Variants in MAP3K15 observed in about 807,000 individuals in gnomAD.
The protein encoded by MAP3K15 is MAPK/ERK kinase kinase 15.
MAP3K15 carries 124 observed loss-of-function variants against 99.5 expected under a neutral mutation model. That is an observed-to-expected ratio of 1.25 (90% CI 1.08 to 1.45). MAP3K15 has a LOEUF of 1.45. MAP3K15 is among the 40% of genes most tolerant of loss of function. MAP3K15 has a pLI of 0.00. For missense variants in MAP3K15, 1,242 were observed against 1,079.7 expected, an observed-to-expected ratio of 1.15 and a Z score of -2.11; for synonymous variants, 494 against 439.6, an observed-to-expected ratio of 1.12 and a Z score of -1.55.
intron 11 of MAP3K15, among the ~76,000 whole-genome samples, chrX:19,411,244 C>T (rs1252677763): frequency 1.8e-5 from 2 of 111,352 alleles, no homozygotes; most frequent in African/African-American, 6.5e-5. Context: ...CCAACTAAGC[C>T]ACCCAGGGAA....
intron 25 of MAP3K15, 126 bp downstream of exon 25, chrX:19,368,928 G>T: frequency 4.4e-6 from 3 of 677,121 alleles, no homozygotes; most frequent in Non-Finnish European, 4.0e-6. Flanking sequence ...GTTCGTGGAT[G>T]ATGAAGCTGC....
rs1299161713 is a variant in MAP3K15, at chrX:19,488,978, C to A, written c.362-11G>T. 8.4e-7 allele frequency: 1 copy of A among 1,196,035 alleles called. No homozygotes were observed. The highest frequency in any genetic ancestry group is 3.0e-5 in the East Asian group (1 of 33,715). On this transcript the variant is annotated splice_polypyrimidine_tract_variant and intron_variant, in intron 1 of 28. Transcript: ENST00000338883. ...CTACCACAGCAACATCTGCAATGAACAAGGAGAGGACAGGATTAGGGGAGA... is the reference window on the plus strand; with the variant it reads ...CTACCACAGCAACATCTGCAATGAAAAAGGAGAGGACAGGATTAGGGGAGA...
chrX:19,440,647 C>A (rs752173748), intron 6 of MAP3K15, among the ~76,000 whole-genome samples: 3 of 112,469 alleles, frequency 2.7e-5, no homozygotes, highest in Non-Finnish European at 5.6e-5. Context: ...GATAGGCCCT[C>A]TGATGGGGCT....
chrX:19,370,951 G>A lies in MAP3K15; in HGVS notation c.3400+8C>T. ...AAAGCTGACCTTGACCACAAAGGGG[G>A]CGCTCACCTGGGATGAGAATGGTGA... On this transcript the variant is annotated splice_region_variant and intron_variant, in intron 24 of 28. Transcript: ENST00000338883. 3 of 1,173,138 alleles carry A rather than the reference G, an allele frequency of 2.6e-6. No homozygotes were observed.
intron 7 of MAP3K15, among the ~76,000 whole-genome samples, chrX:19,429,188 TAGCAGGG>T (rs1372880367): frequency 1.8e-5 from 2 of 110,722 alleles, no homozygotes; most frequent in Admixed American, 9.7e-5. Context: ...AATTTTTATA[TAGCAGGG>T]AGCAGGGAGC....
At chrX:19,503,449 A>G (rs764880564) in intron 1 of MAP3K15, among the ~76,000 whole-genome samples, 3 of 112,013 alleles carry the variant, frequency 2.7e-5, no homozygotes, top group Non-Finnish European at 5.6e-5. Context: ...TCTTTGAGAC[A>G]GAGTCTCACT....
At chrX:19,457,642 G>T (rs7056719) in intron 5 of MAP3K15, among the ~76,000 whole-genome samples, 2,900 of 111,984 alleles carry the variant, frequency 0.026, 97 homozygotes, top group African/African-American at 0.088. Flanking sequence ...TAAAAAAACA[G>T]TATCAGCAGA....
chrX:19,510,449 A>T lies in MAP3K15; in HGVS notation c.361+4452T>A, dbSNP rs767399877. 1.2e-4 allele frequency among the ~76,000 whole-genome samples: 14 copies of T among 112,126 alleles called. No individual in the cohort carries two copies. In the South Asian group the frequency reaches 3.3e-3, roughly 27 times the overall value. Reference sequence around the variant, plus strand: ...AACAGAACCAATGACAAAAACCACAATTATCTCAATAGATGCAGAAAAGGC... The same window carrying T: ...AACAGAACCAATGACAAAAACCACATTTATCTCAATAGATGCAGAAAAGGC... On this transcript the variant is annotated intron_variant, in intron 1 of 28. Coordinates refer to ENST00000338883, the MANE Select transcript of MAP3K15 (RefSeq NM_001001671.4).
rs748475837 is a variant in MAP3K15, at chrX:19,374,458, C to CT, written c.2773+18dup. On this transcript the variant is annotated intron_variant, in intron 20 of 28. Coordinates refer to ENST00000338883, the MANE Select transcript of MAP3K15 (RefSeq NM_001001671.4). Reference sequence around the variant, plus strand: ...TCTTGTGGCCAGGGTGCTGCCCCAGCTGTCCAGGGAGGCCTCACCTGAGGG... The same window carrying CT: ...TCTTGTGGCCAGGGTGCTGCCCCAGCTTGTCCAGGGAGGCCTCACCTGAGGG... 70 of 1,199,769 alleles carry CT rather than the reference C, an allele frequency of 5.8e-5. No individual in the cohort carries two copies. The South Asian group carries it at 1.2e-3, about 21-fold the overall frequency.
At chrX:19,380,076 T>A in intron 19 of MAP3K15, 44 bp downstream of exon 19, 1 of 1,124,539 alleles carries the variant, frequency 8.9e-7, no homozygotes, top group Non-Finnish European at 1.2e-6. Context: ...TTTTTAATTC[T>A]ACTTCCCAAC....
rs1254594019 is a variant in MAP3K15, at chrX:19,431,462, G to A, written c.1142C>T (p.Thr381Ile). The change falls in exon 7 of 29, where the codon ACC becomes ATC. Residue 381 changes from threonine to isoleucine, a missense_variant. By Grantham distance (89) the Thr-to-Ile change is moderately conservative (BLOSUM62 -1). Coordinates refer to ENST00000338883, the MANE Select transcript of MAP3K15 (RefSeq NM_001001671.4). ...CCACTCAATGGCGCTGTCGCGGCTG[G>A]TGTCATCTTTGCAGTCTGAATCCAA... Reference protein sequence around the residue: ...IFLDSDCKDDTSRDSAIEWYR... With the variant: ...IFLDSDCKDDISRDSAIEWYR... 1.7e-6 allele frequency: 2 copies of A among 1,200,178 alleles called. No individual in the cohort carries two copies. Among genetic ancestry groups the A allele is most frequent in the Admixed American group, 2.2e-5 (1 of 45,970 alleles).
chrX:19,380,239 C>T lies in MAP3K15; in HGVS notation c.2470G>A (p.Gly824Arg), dbSNP rs777273513. The T allele has an allele frequency of 3.7e-4, 449 of 1,205,480 alleles. 1 individual carries two copies. The highest frequency in any genetic ancestry group is 4.6e-4 in the Non-Finnish European group (408 of 893,715). ...QYMAPEIIDQ[G>R]PRGYGAPADI... is the part of the protein sequence containing the mutation. ...GCTGGGGCACCATATCCGCGAGGCC[C>T]TTGGTCAATTATCTCAGGTGCCATG... Residue 824 changes from glycine to arginine, a missense_variant, in exon 19 of 29, where the codon GGG becomes AGG. By Grantham distance (125) the Gly-to-Arg change is moderately radical. Transcript: ENST00000338883.
At position 19,361,516 on chromosome X, in the gene MAP3K15, C is replaced by G. The variant is rs1199963490; in HGVS notation, c.3757G>C (p.Ala1253Pro). The part of the protein sequence containing the change: ...ELIDWLRLQG[A>P]DAKTIEKIVE... The stretch of plus-strand genomic sequence containing the variant: ...ACCTTTTCAATTGTCTTTGCATCAG[C>G]TCCTTGCAGCCGCAACCAGTCTATA... Residue 1253 changes from alanine to proline, a missense_variant, in exon 27 of 29, where the codon GCT becomes CCT. Coordinates refer to ENST00000338883, the MANE Select transcript of MAP3K15 (RefSeq NM_001001671.4). 1 of 1,209,944 alleles carries G rather than the reference C, an allele frequency of 8.3e-7. No individual in the cohort carries two copies. The highest frequency in any genetic ancestry group is 2.2e-5 in the Admixed American group (1 of 45,810).
Position 19,515,338 on chromosome X carries a change from C to A in MAP3K15, c.-77G>T. On this transcript the variant is annotated 5_prime_UTR_variant, in exon 1 of 29. Transcript: ENST00000338883. Reference sequence around the variant, plus strand: ...GCTAGGAGGCACAAGTTACAGCAGCCGCGCAGGCGGTCCCGGCACCTGCTC... The same window carrying A: ...GCTAGGAGGCACAAGTTACAGCAGCAGCGCAGGCGGTCCCGGCACCTGCTC... 1.5e-6 allele frequency: 1 copy of A among 666,726 alleles called. No homozygotes were observed. The highest frequency in any genetic ancestry group is 1.8e-6 in the Non-Finnish European group (1 of 545,289). 54.9% of individuals were successfully genotyped at this position (666,726 alleles called of 1,213,427 possible).
intron 9 of MAP3K15, among the ~76,000 whole-genome samples, chrX:19,418,645 C>T (rs1001727992): frequency 1.8e-5 from 2 of 111,438 alleles, no homozygotes; most frequent in Admixed American, 1.9e-4. Flanking sequence ...CTTCCCCAAA[C>T]TAGCAAGGCA....
At chrX:19,483,311 T>C (rs2064304000) in intron 3 of MAP3K15, among the ~76,000 whole-genome samples, 1 of 108,824 alleles carries the variant, frequency 9.2e-6, no homozygotes, top group Admixed American at 9.8e-5. Flanking sequence ...CGCTGCCACA[T>C]AAAGCTGAAT....
chrX:19,373,102 A>G, intron 21 of MAP3K15: 1 of 181,506 alleles, frequency 5.5e-6, no homozygotes. Flanking sequence ...GCACAGAAGG[A>G]GAGGTGAGGG....
At position 19,360,160 on chromosome X, in the gene MAP3K15, CTT is replaced by C; in HGVS notation, c.*587_*588del. 1 of 152,699 alleles carries C rather than the reference CTT, an allele frequency of 6.5e-6. No homozygotes were observed. Among genetic ancestry groups the C allele is most frequent in the Non-Finnish European group, 1.3e-5 (1 of 78,271 alleles). The allele number at this position is 152,699 out of a possible 1,213,427, so 12.6% of individuals were successfully genotyped here. On this transcript the variant is annotated 3_prime_UTR_variant, in exon 29 of 29. Transcript: ENST00000338883. Reference sequence around the variant, plus strand: ...TGTAATCATTTCAAAGGCCACATAACTTAGTTTTCTCTACTTACACATTCAGT... The same window carrying C: ...TGTAATCATTTCAAAGGCCACATAACAGTTTTCTCTACTTACACATTCAGT...
chrX:19,367,482 C>CCAACTTTAATATTTGTGATTTTTTAAAAT (rs1300110675), intron 25 of MAP3K15, among the ~76,000 whole-genome samples: 6 of 80,316 alleles, frequency 7.5e-5, no homozygotes, highest in African/African-American at 5.5e-4. Context: ...AAAAAAAAAA[C>CCAACTTTAATATTTGTGATTTTTTAAAAT]TTTCAAAATG....
Sources: gnomAD v4.1 joint callset for allele counts (sites outside exome capture counted in the v4.1 genomes callset) on GRCh38, gnomAD v4.1.1 for gene constraint, MANE v1.5 for transcripts, NCBI Gene and HGNC (gene_info 2026-07-23, HGNC 2026-07-21) for gene names.